Variants in MIR2052HG observed in about 807,000 individuals in gnomAD.
MIR2052HG encodes the protein MIR2052 host gene.
At chr8:74,688,755 C>A (rs958762279) in intron 2 of MIR2052HG, among the ~76,000 whole-genome samples, 4 of 152,098 alleles carry the variant, frequency 2.6e-5, no homozygotes, top group African/African-American at 9.7e-5. Flanking sequence ...TTGGTGCACC[C>A]ATTACCTGGG....
At chr8:74,601,849 T>C (rs555709626) in intron 1 of MIR2052HG, among the ~76,000 whole-genome samples, 9 of 152,354 alleles carry the variant, frequency 5.9e-5, no homozygotes, top group African/African-American at 1.9e-4. Context: ...TTATTAATCA[T>C]ATTTAAGTGA....
chr8:74,646,819 C>G (rs1808693561), intron 2 of MIR2052HG, among the ~76,000 whole-genome samples: 1 of 151,956 alleles, frequency 6.6e-6, no homozygotes, highest in Admixed American at 6.6e-5. Context: ...CCCCAGCTCC[C>G]CAGGAGGCTG....
chr8:74,702,745 A>G (rs929757178), intron 3 of MIR2052HG, among the ~76,000 whole-genome samples: 1 of 152,152 alleles, frequency 6.6e-6, no homozygotes, highest in Non-Finnish European at 1.5e-5. Context: ...AATCAATTCA[A>G]TCAAAGTGTT....
At chr8:74,693,895 C>T (rs1809268596) in intron 2 of MIR2052HG, among the ~76,000 whole-genome samples, 1 of 152,092 alleles carries the variant, frequency 6.6e-6, no homozygotes, top group South Asian at 2.1e-4. Context: ...TAGCCAAAGA[C>T]AAAGGACGTA....
chr8:74,628,280 A>G (rs1808462613), intron 2 of MIR2052HG, among the ~76,000 whole-genome samples: 1 of 152,252 alleles, frequency 6.6e-6, no homozygotes, highest in South Asian at 2.1e-4. Context: ...GTATGAAAGC[A>G]GAAACTAAAC....
intron 4 of MIR2052HG, among the ~76,000 whole-genome samples, chr8:74,734,349 C>T (rs1809725494): frequency 6.6e-6 from 1 of 152,192 alleles, no homozygotes. Flanking sequence ...TGACACTATA[C>T]ACATATGGGC....
At chr8:74,619,350 A>C (rs2128732431) in intron 2 of MIR2052HG, among the ~76,000 whole-genome samples, 1 of 152,336 alleles carries the variant, frequency 6.6e-6, no homozygotes, top group Non-Finnish European at 1.5e-5. Context: ...GAGGCATCAC[A>C]CTGTCAGATT....
chr8:74,718,607 C>G (rs985172792), intron 4 of MIR2052HG, among the ~76,000 whole-genome samples: 7 of 152,142 alleles, frequency 4.6e-5, no homozygotes, highest in Admixed American at 1.3e-4. Flanking sequence ...CACCTAGGAA[C>G]AAAGGAAGCT....
At chr8:74,698,822 A>C (rs571883401) in intron 2 of MIR2052HG, among the ~76,000 whole-genome samples, 2 of 152,272 alleles carry the variant, frequency 1.3e-5, no homozygotes, top group East Asian at 3.9e-4. Context: ...GGATGGGTCA[A>C]TAGGTGCGGC....
At chr8:74,618,885 A>T (rs185780750) in intron 2 of MIR2052HG, among the ~76,000 whole-genome samples, 88 of 152,354 alleles carry the variant, frequency 5.8e-4, no homozygotes, top group African/African-American at 2.1e-3. Flanking sequence ...GCTCTTATAT[A>T]AAAAAATCCC....
chr8:74,741,741 G>A (rs1809833717), intron 4 of MIR2052HG, among the ~76,000 whole-genome samples: 1 of 152,114 alleles, frequency 6.6e-6, no homozygotes, highest in Non-Finnish European at 1.5e-5. Context: ...CTCTGTGTAA[G>A]GCACGTCACA....
chr8:74,748,291 A>C (rs1175674568), intron 4 of MIR2052HG, among the ~76,000 whole-genome samples: 1 of 152,208 alleles, frequency 6.6e-6, no homozygotes, highest in East Asian at 1.9e-4. Flanking sequence ...TGAAGGAGTA[A>C]GTTCAGAAAA....
chr8:74,724,078 G>A (rs1224678497), intron 4 of MIR2052HG, among the ~76,000 whole-genome samples: 1 of 152,122 alleles, frequency 6.6e-6, no homozygotes, highest in East Asian at 1.9e-4. Flanking sequence ...AATTATGCCT[G>A]TTTGTGTTTA....
At chr8:74,603,885 G>C (rs1447211670) in intron 1 of MIR2052HG, 1 of 1,087,266 alleles carries the variant, frequency 9.2e-7, no homozygotes, top group East Asian at 2.4e-5. Context: ...GTATTTCCTT[G>C]ATCTTGCAAC....
intron 2 of MIR2052HG, among the ~76,000 whole-genome samples, chr8:74,682,082 G>T (rs756025265): frequency 4.6e-5 from 7 of 152,072 alleles, no homozygotes; most frequent in Non-Finnish European, 7.4e-5. Flanking sequence ...ATGTTAATTT[G>T]CTTGACTGTG....
chr8:74,696,415 T>C (rs914839017), intron 2 of MIR2052HG, among the ~76,000 whole-genome samples: 5 of 151,888 alleles, frequency 3.3e-5, no homozygotes, highest in South Asian at 2.1e-4. Flanking sequence ...CTCGAGGAGC[T>C]AGAGGAACAA....
chr8:74,659,945 T>A (rs1808843732), intron 2 of MIR2052HG, among the ~76,000 whole-genome samples: 1 of 152,190 alleles, frequency 6.6e-6, no homozygotes, highest in Non-Finnish European at 1.5e-5. Context: ...TTTTGTTTTG[T>A]TTCAGTTAGT....
intron 4 of MIR2052HG, among the ~76,000 whole-genome samples, chr8:74,742,236 G>A (rs1052173663): frequency 2.0e-5 from 3 of 152,088 alleles, no homozygotes; most frequent in Non-Finnish European, 4.4e-5. Flanking sequence ...GTCATCTTAC[G>A]TGGTAACTAT....
intron 4 of MIR2052HG, among the ~76,000 whole-genome samples, chr8:74,750,010 C>A (rs1010281935): frequency 1.3e-5 from 2 of 152,160 alleles, no homozygotes; most frequent in African/African-American, 4.8e-5. Context: ...AGTTACATTT[C>A]TTTTCTCTGA....
Sources: allele counts gnomAD v4.1 joint callset (sites outside exome capture counted in the v4.1 genomes callset), GRCh38; gene constraint gnomAD v4.1.1; transcripts MANE v1.5; gene names NCBI Gene and HGNC (gene_info 2026-07-23, HGNC 2026-07-21).